CEP41: variants seen among roughly 807,000 people sequenced by gnomAD.
CEP41 encodes centrosomal protein of 41 kDa.
In CEP41, 32 loss-of-function variants were observed where a neutral mutation model predicts 44.3. The ratio of observed to expected loss-of-function variants is 0.72; its 90% CI spans 0.54 to 0.97. CEP41 has a LOEUF of 0.97. CEP41 is among the 50% of genes least tolerant of loss of function. CEP41 has a pLI of 0.00. For missense variants in CEP41, 432 were observed against 455.2 expected (o/e 0.95, Z 0.46); for synonymous variants, 151 against 168.5 (o/e 0.90, Z 0.80).
At chr7:130,431,610 G>A (rs782768139) in intron 1 of CEP41, among the ~76,000 whole-genome samples, 1 of 152,152 alleles carries the variant, frequency 6.6e-6, no homozygotes, top group African/African-American at 2.4e-5. Context: ...TCACTTCTGA[G>A]CTGAATTCTG....
At chr7:130,405,488 A>G (rs1011896669) in intron 5 of CEP41, among the ~76,000 whole-genome samples, 3 of 152,224 alleles carry the variant, frequency 2.0e-5, no homozygotes, top group Non-Finnish European at 4.4e-5. Flanking sequence ...TTTGGAAACT[A>G]TATTTGCCAT....
At position 130,398,808 on chromosome 7, in the gene CEP41, T is replaced by G; in HGVS notation, c.*83A>C. 6.6e-7 allele frequency: 1 copy of G among 1,512,808 alleles called. No homozygotes were observed. The highest frequency in any genetic ancestry group is 9.2e-7 in the Non-Finnish European group (1 of 1,090,134). The allele number at this position is 1,512,808 out of a possible 1,614,324, so 93.7% of individuals were successfully genotyped here. ...GTCATGGTCTTTCCTCTGCAGAAGT[T>G]TCTGGAAATGACCCAACTTGGGAAA... On this transcript the variant is annotated 3_prime_UTR_variant, in exon 11 of 11. Transcript: ENST00000223208.
chr7:130,419,973 G>C, intron 2 of CEP41: 1 of 982,586 alleles, frequency 1.0e-6, no homozygotes, highest in African/African-American at 1.8e-5. Flanking sequence ...ACACACACAC[G>C]TATGAATAAT....
chr7:130,418,451 G>A (rs1797401383), intron 2 of CEP41, among the ~76,000 whole-genome samples: 1 of 152,226 alleles, frequency 6.6e-6, no homozygotes, highest in African/African-American at 2.4e-5. Flanking sequence ...AATGGCGGAA[G>A]AAGACGGCAA....
rs1554413489 is a variant in CEP41, at chr7:130,394,095, A to G, written c.*4796T>C. On this transcript the variant is annotated 3_prime_UTR_variant, in exon 11 of 11. Transcript: ENST00000223208. ...GCTGACTAGGAGGGAAGGGAAGCCA[A>G]TAGCGAAGGGAAAGGTACATTTTCA... 1 of 454,122 alleles carries G rather than the reference A, an allele frequency of 2.2e-6. No homozygotes were observed. The highest frequency in any genetic ancestry group is 1.6e-5 in the South Asian group (1 of 64,480). The allele number at this position is 454,122 out of a possible 1,614,324, so 28.1% of individuals were successfully genotyped here.
At chr7:130,408,897 C>T (rs1329251222) in intron 5 of CEP41, among the ~76,000 whole-genome samples, 1 of 152,054 alleles carries the variant, frequency 6.6e-6, no homozygotes, top group East Asian at 1.9e-4. Context: ...TACAGTCATG[C>T]TTTTGAAGCC....
chr7:130,433,283 T>G (rs1271853984), intron 1 of CEP41, among the ~76,000 whole-genome samples: 4 of 151,394 alleles, frequency 2.6e-5, no homozygotes, highest in African/African-American at 9.7e-5. Context: ...CTTTTTCCCT[T>G]AAGAGAGTTG....
In CEP41 at chr7:130,400,216, T is replaced by G; in HGVS notation, c.796A>C (p.Ile266Leu). Residue 266 changes from isoleucine (I) to leucine (L), a missense_variant, in exon 10 of 11, where the codon ATT (isoleucine) becomes CTT (leucine). By Grantham distance (5) the Ile-to-Leu change is conservative. Coordinates refer to ENST00000223208, the MANE Select transcript of CEP41 (RefSeq NM_018718.3). ...VLAQKFPEGL[I>L]TGSLPASCQQ... Reference sequence around the variant, plus strand: ...CAAGATGCTGGCAGGGAACCAGTAATCAGTCCTTCCGGGAATTTCTGAGCT... The same window carrying G: ...CAAGATGCTGGCAGGGAACCAGTAAGCAGTCCTTCCGGGAATTTCTGAGCT... 6.2e-7 allele frequency: 1 copy of G among 1,613,916 alleles called. No individual in the cohort carries two copies. Among genetic ancestry groups the G allele is most frequent in the Non-Finnish European group, 8.5e-7 (1 of 1,179,908 alleles).
intron 1 of CEP41, among the ~76,000 whole-genome samples, chr7:130,434,629 C>T (rs1385739110): frequency 6.6e-6 from 1 of 152,136 alleles, no homozygotes; most frequent in African/African-American, 2.4e-5. Flanking sequence ...AAGTAATAAA[C>T]TGGACATATT....
rs782508627 is a variant in CEP41 at position 130,404,624 on chromosome 7, C to T, written c.362G>A (p.Ser121Asn). ...TGCGTTGTTTATGAACTGCTCAGGG[C>T]TCGGCGACTGCTCACCTGGATTTCC... Reference protein sequence around the residue: ...GKGNPGEQSPSPEQFINNAGA... With the variant: ...GKGNPGEQSPNPEQFINNAGA... The change falls in exon 6 of 11, where the codon AGC becomes AAC. Residue 121 changes from serine (S) to asparagine (N), a missense_variant. Coordinates refer to ENST00000223208, the MANE Select transcript of CEP41 (RefSeq NM_018718.3). 6.2e-7 allele frequency: 1 copy of T among 1,613,750 alleles called. No homozygotes were observed. Among genetic ancestry groups the T allele is most frequent in the East Asian group, 2.2e-5 (1 of 44,876 alleles).
chr7:130,437,872 A>C (rs1798022690), intron 1 of CEP41, among the ~76,000 whole-genome samples: 1 of 151,966 alleles, frequency 6.6e-6, no homozygotes, highest in Non-Finnish European at 1.5e-5. Context: ...ATGTTAAGGT[A>C]GAATAAGAAT....
intron 8 of CEP41, 102 bp downstream of exon 8, chr7:130,401,779 C>T: frequency 1.3e-6 from 1 of 793,166 alleles, no homozygotes; most frequent in Non-Finnish European, 2.2e-6. Flanking sequence ...CAAATAATAT[C>T]AAAGGTCCTT....
Position 130,396,260 on chromosome 7 carries a change from C to G in CEP41, c.*2631G>C, listed in dbSNP as rs1451426413. The G allele has an allele frequency of 8.8e-6, 4 of 453,988 alleles. No homozygotes were observed. The Admixed American group carries it at 9.4e-5, about 11-fold the overall frequency. 28.1% of individuals were successfully genotyped at this position (453,988 alleles called of 1,614,324 possible). ...GCCCCAGACAAGGGCAGCTAGTCAA[C>G]CCCTGAGACGCTGGTAGGAAGCCAT... On this transcript the variant is annotated 3_prime_UTR_variant, in exon 11 of 11. Transcript: ENST00000223208.
At chr7:130,440,722 CG>C (rs1554427375) in intron 1 of CEP41, 3 of 624,038 alleles carry the variant, frequency 4.8e-6, no homozygotes, top group Non-Finnish European at 8.5e-6. Flanking sequence ...CGTGCGTACG[CG>C]GGGAGAGATC....
Position 130,393,841 on chromosome 7 carries a change from A to T in CEP41, c.*5050T>A, listed in dbSNP as rs782749314. 4.4e-6 allele frequency: 2 copies of T among 454,078 alleles called. No individual in the cohort carries two copies. The highest frequency in any genetic ancestry group is 3.1e-5 in the South Asian group (2 of 64,470). The allele number at this position is 454,078 out of a possible 1,614,324, so 28.1% of individuals were successfully genotyped here. Reference sequence around the variant, plus strand: ...AAACAGCCTACTTTTTTCCCCCTACAATATAATTAAAAGTTTGTAATTCTC... The same window carrying T: ...AAACAGCCTACTTTTTTCCCCCTACTATATAATTAAAAGTTTGTAATTCTC... On this transcript the variant is annotated 3_prime_UTR_variant, in exon 11 of 11. Transcript: ENST00000223208.
intron 10 of CEP41, chr7:130,399,308 C>T (rs1796770546): frequency 4.0e-6 from 2 of 498,294 alleles, no homozygotes; most frequent in Admixed American, 6.6e-5. Context: ...GTCTGTCCTC[C>T]ACTACTTCCT....
In CEP41 at chr7:130,395,955, A is replaced by G. The variant is rs782198832; in HGVS notation, c.*2936T>C. Reference sequence around the variant, plus strand: ...CATTCCATACTTTTTCAAGAGATTGAGCCTGACATTATTACAGCCCAGGGT... The same window carrying G: ...CATTCCATACTTTTTCAAGAGATTGGGCCTGACATTATTACAGCCCAGGGT... On this transcript the variant is annotated 3_prime_UTR_variant, in exon 11 of 11. Coordinates refer to ENST00000223208, the MANE Select transcript of CEP41 (RefSeq NM_018718.3). 4.4e-6 allele frequency: 2 copies of G among 453,166 alleles called. No homozygotes were observed. Among genetic ancestry groups the G allele is most frequent in the South Asian group, 1.6e-5 (1 of 64,186 alleles). 28.1% of individuals were successfully genotyped at this position (453,166 alleles called of 1,614,324 possible).
intron 2 of CEP41, chr7:130,421,024 A>C (rs1172020363): frequency 4.1e-6 from 4 of 975,374 alleles, no homozygotes; most frequent in Non-Finnish European, 3.7e-6. Context: ...TGTATAAGGT[A>C]GCATTTAGCT....
At chr7:130,417,103 G>A (rs1023346720) in intron 2 of CEP41, 137 bp from the exon 3 acceptor site, 1 of 1,401,630 alleles carries the variant, frequency 7.1e-7, no homozygotes, top group African/African-American at 1.4e-5. Context: ...CAGCAAACAG[G>A]CCACACACAG....
Sources: allele counts gnomAD v4.1 joint callset (sites outside exome capture counted in the v4.1 genomes callset), GRCh38; gene constraint gnomAD v4.1.1; transcripts MANE v1.5; gene names NCBI Gene and HGNC (gene_info 2026-07-23, HGNC 2026-07-21).